The following DSCAM variants were observed in gnomAD, a reference collection of about 807,000 sequenced individuals.
The protein encoded by DSCAM is cell adhesion molecule DSCAM.
A neutral mutation model predicts 217.7 loss-of-function variants in DSCAM; 47 were observed. The ratio of observed to expected loss-of-function variants is 0.22; its 90% confidence interval spans 0.17 to 0.28. DSCAM has a LOEUF of 0.28. DSCAM is among the 10% of genes least tolerant of loss of function. DSCAM has a pLI of 1.00. For synonymous variants in DSCAM, 1,056 were observed against 1,015.3 expected, an observed-to-expected ratio of 1.04 and a Z score of -0.76; for missense variants, 2,080 against 2,618.3, an observed-to-expected ratio of 0.79 and a Z score of 4.49.
intron 11 of DSCAM, among the ~76,000 whole-genome samples, chr21:40,252,687 G>A (rs1479644592): frequency 1.3e-5 from 2 of 152,120 alleles, no homozygotes; most frequent in Admixed American, 6.5e-5. Flanking sequence ...TTTTACTATT[G>A]CCCTAGACTT....
At chr21:40,434,686 T>G (rs577496643) in intron 3 of DSCAM, among the ~76,000 whole-genome samples, 1 of 152,328 alleles carries the variant, frequency 6.6e-6, no homozygotes, top group East Asian at 1.9e-4. Flanking sequence ...AGTCCTGATA[T>G]GCCCTGTGTA....
At chr21:40,838,306 A>G (rs2092072692) in intron 1 of DSCAM, among the ~76,000 whole-genome samples, 1 of 152,174 alleles carries the variant, frequency 6.6e-6, no homozygotes, top group Non-Finnish European at 1.5e-5. Context: ...CACTGCAATC[A>G]CCCACCTGAA....
intron 11 of DSCAM, among the ~76,000 whole-genome samples, chr21:40,244,829 G>C (rs2073201305): frequency 6.6e-6 from 1 of 152,186 alleles, no homozygotes; most frequent in Non-Finnish European, 1.5e-5. Flanking sequence ...TGAAAGAGGA[G>C]TTTTAAAAAG....
chr21:40,381,062 C>CAAAAAAAAAA (rs71186932), intron 3 of DSCAM, among the ~76,000 whole-genome samples: 21 of 66,182 alleles, frequency 3.2e-4, no homozygotes, highest in Admixed American at 5.2e-4. Flanking sequence ...GACTCCGTCT[C>CAAAAAAAAAA]AAAAAAAAAA....
At chr21:40,199,945 A>C (rs2091052796) in intron 11 of DSCAM, among the ~76,000 whole-genome samples, 1 of 152,090 alleles carries the variant, frequency 6.6e-6, no homozygotes, top group Non-Finnish European at 1.5e-5. Flanking sequence ...TAAAATTAAA[A>C]AAACAAAAAA....
Position 40,347,550 on chromosome 21 carries a change from C to T in DSCAM, c.1210+120G>A, listed in dbSNP as rs3818652. The T allele has an allele frequency of 0.01, 13,583 of 1,346,356 alleles. 505 individuals carry two copies. In the East Asian group the frequency reaches 0.12, roughly 12 times the overall value. 83.4% of individuals were successfully genotyped at this position (1,346,356 alleles called of 1,614,324 possible). ...TTGAAAAATTAGGGTAGAGTACTAG[C>T]TGGTGAGACAGAGAGCCTAGAACTG... On this transcript the variant is annotated intron_variant, in intron 6 of 32. Transcript: ENST00000400454.
At chr21:40,314,403 T>C (rs927012364) in intron 8 of DSCAM, among the ~76,000 whole-genome samples, 2 of 152,176 alleles carry the variant, frequency 1.3e-5, no homozygotes, top group Admixed American at 6.5e-5. Context: ...ATCTTTGGGA[T>C]TGAAAAGGGC....
chr21:40,342,624 G>GTA lies in DSCAM; in HGVS notation c.1211-3210_1211-3209insTA, dbSNP rs1363119200. Among the ~76,000 whole-genome samples the GTA allele has an allele frequency of 2.7e-3, 206 of 77,248 alleles. 1 individual carries two copies. Among genetic ancestry groups the GTA allele is most frequent in the African/African-American group, 8.6e-3 (148 of 17,182 alleles). 50.7% of individuals were successfully genotyped at this position (77,248 alleles called of 152,430 possible). A position where few individuals can be genotyped will look rare whatever the true frequency, so the allele number is the denominator to read the frequency against. On this transcript the variant is annotated intron_variant, in intron 6 of 32. Coordinates refer to ENST00000400454, the MANE Select transcript of DSCAM (RefSeq NM_001389.5). ...AGTATGTGTATATGTGTGTGTGTGT[G>GTA]TGTATATATATATATATATATATAT... is the stretch of plus-strand genomic sequence containing the variant.
At chr21:40,697,533 G>A (rs1169019555) in intron 2 of DSCAM, among the ~76,000 whole-genome samples, 3 of 152,132 alleles carry the variant, frequency 2.0e-5, no homozygotes, top group African/African-American at 7.2e-5. Flanking sequence ...CAGGGATCTA[G>A]TTTCATTCTT....
Position 40,830,504 on chromosome 21 carries a change from C to T in DSCAM, c.43+16115G>A, listed in dbSNP as rs182848981. Among the ~76,000 whole-genome samples, 20 of 152,222 alleles carry T rather than the reference C, an allele frequency of 1.3e-4. No homozygotes were observed. The South Asian group carries it at 3.1e-3, about 24-fold the overall frequency. On this transcript the variant is annotated intron_variant, in intron 1 of 32. Transcript: ENST00000400454. ...CACCACTCTAAATAGTATGTGCACTCAGAAACCAGCTGACCTATCTGGGGC... is the reference window on the plus strand; with the variant it reads ...CACCACTCTAAATAGTATGTGCACTTAGAAACCAGCTGACCTATCTGGGGC...
At chr21:40,246,913 G>A (rs1007715664) in intron 11 of DSCAM, among the ~76,000 whole-genome samples, 25 of 152,068 alleles carry the variant, frequency 1.6e-4, no homozygotes, top group African/African-American at 5.8e-4. Flanking sequence ...ACCTGAGGCT[G>A]GGAAGAAAAA....
intron 3 of DSCAM, among the ~76,000 whole-genome samples, chr21:40,637,424 A>AATATATATAAATATAAATATATATAAAT (rs1280589723): frequency 1.4e-4 from 1 of 7,162 alleles, no homozygotes; most frequent in African/African-American, 7.7e-4. Context: ...TATATATATA[A>AATATATATAAATATAAATATATATAAAT]ATATATAAAT....
chr21:40,531,917 T>TA (rs1555852068), intron 3 of DSCAM, among the ~76,000 whole-genome samples: 3 of 152,164 alleles, frequency 2.0e-5, no homozygotes, highest in African/African-American at 7.2e-5. Flanking sequence ...GTGCTGGGCT[T>TA]GGGGAGGACA....
At chr21:40,345,185 T>A (rs2074544613) in intron 6 of DSCAM, among the ~76,000 whole-genome samples, 1 of 152,208 alleles carries the variant, frequency 6.6e-6, no homozygotes, top group African/African-American at 2.4e-5. Context: ...ATATTTTAAA[T>A]AGCATCTGTA....
Position 40,078,174 on chromosome 21 carries a change from G to A in DSCAM, c.4711+513C>T, listed in dbSNP as rs1013172409. Among the ~76,000 whole-genome samples the A allele has an allele frequency of 3.9e-5, 6 of 152,192 alleles. No homozygotes were observed. In the East Asian group the frequency reaches 5.8e-4, roughly 15 times the overall value. On this transcript the variant is annotated intron_variant, in intron 26 of 32. Transcript: ENST00000400454. ...TGTGTGTGAGTTTGTGTGTGTGCAC[G>A]TGTTCATGGATTCCTATTATTATCC...
At chr21:40,820,652 A>G (rs994853267) in intron 1 of DSCAM, among the ~76,000 whole-genome samples, 1 of 152,160 alleles carries the variant, frequency 6.6e-6, no homozygotes, top group African/African-American at 2.4e-5. Flanking sequence ...TAGGGTCATA[A>G]ATATGTATTA....
At chr21:40,587,322 C>T (rs1479629757) in intron 3 of DSCAM, among the ~76,000 whole-genome samples, 1 of 152,152 alleles carries the variant, frequency 6.6e-6, no homozygotes, top group Non-Finnish European at 1.5e-5. Context: ...CTCACATAAT[C>T]ACATATTTTT....
intron 3 of DSCAM, among the ~76,000 whole-genome samples, chr21:40,395,183 G>T (rs550192391): frequency 6.6e-6 from 1 of 152,124 alleles, no homozygotes; most frequent in Non-Finnish European, 1.5e-5. Flanking sequence ...AAAATAATTT[G>T]ATGTGGTGCA....
intron 1 of DSCAM, among the ~76,000 whole-genome samples, chr21:40,782,795 A>C (rs1170300631): frequency 6.6e-6 from 1 of 152,220 alleles, no homozygotes; most frequent in East Asian, 1.9e-4. Context: ...GCTGGGATTC[A>C]GTCTGTACTT....
Sources: allele counts gnomAD v4.1 joint callset (sites outside exome capture counted in the v4.1 genomes callset), GRCh38; gene constraint gnomAD v4.1.1; transcripts MANE v1.5; gene names NCBI Gene and HGNC (gene_info 2026-07-23, HGNC 2026-07-21).